The following UBE2G1 variants were observed in gnomAD, a reference collection of about 807,000 sequenced individuals.
UBE2G1 encodes ubiquitin-conjugating enzyme E2 G1.
UBE2G1 carries 5 observed loss-of-function variants against 22.7 expected under a neutral mutation model. The ratio of observed to expected loss-of-function variants is 0.22; its 90% CI spans 0.12 to 0.46. UBE2G1 has a LOEUF of 0.46. Among genes scored for constraint, UBE2G1 ranks in the 20% least tolerant of loss-of-function variants. UBE2G1 has a pLI of 0.99. For missense variants in UBE2G1, 88 were observed against 203.9 expected (o/e 0.43, Z 3.46); for synonymous variants, 74 against 67.5 (o/e 1.10, Z -0.47).
chr17:4,336,357 T>C (rs1478422497), intron 1 of UBE2G1, among the ~76,000 whole-genome samples: 1 of 152,118 alleles, frequency 6.6e-6, no homozygotes, highest in Non-Finnish European at 1.5e-5. Context: ...AGTAAAAGGT[T>C]AGATAAAAGC....
chr17:4,363,861 G>C (rs546338236), intron 1 of UBE2G1, among the ~76,000 whole-genome samples: 12 of 147,250 alleles, frequency 8.1e-5, no homozygotes, highest in African/African-American at 2.3e-4. Flanking sequence ...CTCAGGCAGG[G>C]GAATGGCGTG....
intron 1 of UBE2G1, among the ~76,000 whole-genome samples, chr17:4,362,021 C>T (rs1402192202): frequency 6.9e-6 from 1 of 145,598 alleles, no homozygotes; most frequent in Admixed American, 6.8e-5. Context: ...ACAAAAAGAA[C>T]TTATGGCCAG....
At chr17:4,320,833 C>T (rs1185969119) in intron 1 of UBE2G1, among the ~76,000 whole-genome samples, 2 of 152,054 alleles carry the variant, frequency 1.3e-5, no homozygotes, top group Non-Finnish European at 2.9e-5. Flanking sequence ...AGTCTGAACA[C>T]TAGATAACTC....
chr17:4,276,335 G>A (rs1968821214), intron 5 of UBE2G1, among the ~76,000 whole-genome samples: 1 of 151,866 alleles, frequency 6.6e-6, no homozygotes, highest in Admixed American at 6.6e-5. Flanking sequence ...CCACCGTACT[G>A]GCTAATTTTT....
At chr17:4,352,075 T>C (rs921013995) in intron 1 of UBE2G1, among the ~76,000 whole-genome samples, 9 of 151,826 alleles carry the variant, frequency 5.9e-5, no homozygotes, top group Non-Finnish European at 1.2e-4. Context: ...CTGGCCAACA[T>C]GGTGAAACTC....
At chr17:4,314,203 G>C (rs1319529260) in intron 1 of UBE2G1, among the ~76,000 whole-genome samples, 2 of 152,164 alleles carry the variant, frequency 1.3e-5, no homozygotes, top group African/African-American at 2.4e-5. Flanking sequence ...GGGCTCTTCA[G>C]AGAAATGGCT....
intron 1 of UBE2G1, among the ~76,000 whole-genome samples, chr17:4,345,116 T>G (rs1308759691): frequency 6.6e-6 from 1 of 152,056 alleles, no homozygotes; most frequent in Non-Finnish European, 1.5e-5. Flanking sequence ...ACAAGCAGAG[T>G]GACAGCACCA....
intron 3 of UBE2G1, among the ~76,000 whole-genome samples, chr17:4,294,127 C>A (rs1359831357): frequency 6.6e-6 from 1 of 152,100 alleles, no homozygotes; most frequent in African/African-American, 2.4e-5. Context: ...ATTCAAAATT[C>A]CATCTAAGAC....
chr17:4,355,118 T>C (rs973223142), intron 1 of UBE2G1, among the ~76,000 whole-genome samples: 2 of 151,816 alleles, frequency 1.3e-5, no homozygotes, highest in Non-Finnish European at 2.9e-5. Flanking sequence ...TTGATGTGAT[T>C]TGCCTCACAA....
intron 1 of UBE2G1, among the ~76,000 whole-genome samples, chr17:4,348,535 AGAGCGAGACTCCG>A: frequency 1.4e-5 from 2 of 145,388 alleles, no homozygotes; most frequent in South Asian, 2.2e-4. Flanking sequence ...CCTGGGCGAC[AGAGCGAGACTCCG>A]TCTCAAAAAA....
chr17:4,273,763 T>C (rs1342962456), intron 5 of UBE2G1, among the ~76,000 whole-genome samples: 1 of 152,086 alleles, frequency 6.6e-6, no homozygotes, highest in Non-Finnish European at 1.5e-5. Context: ...AAACACCTAT[T>C]AGGACTGCAT....
chr17:4,309,559 T>C (rs980827699), intron 1 of UBE2G1, among the ~76,000 whole-genome samples: 4 of 152,254 alleles, frequency 2.6e-5, no homozygotes, highest in African/African-American at 9.6e-5. Context: ...GCAGACATTC[T>C]ATTAAAAAAC....
At chr17:4,343,161 A>T (rs1567527998) in intron 1 of UBE2G1, among the ~76,000 whole-genome samples, 1 of 152,238 alleles carries the variant, frequency 6.6e-6, no homozygotes, top group African/African-American at 2.4e-5. Flanking sequence ...TTACAAAAGT[A>T]GGCACTCAAA....
intron 2 of UBE2G1, among the ~76,000 whole-genome samples, chr17:4,306,748 T>G (rs1041058499): frequency 1.3e-5 from 2 of 151,924 alleles, no homozygotes; most frequent in African/African-American, 4.8e-5. Flanking sequence ...GCCTCCTGAG[T>G]TCAAGTGATT....
At chr17:4,304,529 G>T (rs16953890) in intron 2 of UBE2G1, among the ~76,000 whole-genome samples, 1 of 151,194 alleles carries the variant, frequency 6.6e-6, no homozygotes. Context: ...ATTAAGACTT[G>T]TGGCAACTAT....
chr17:4,273,489 C>A (rs983275167), intron 5 of UBE2G1, among the ~76,000 whole-genome samples: 1 of 152,100 alleles, frequency 6.6e-6, no homozygotes, highest in Non-Finnish European at 1.5e-5. Flanking sequence ...CACAGGCACA[C>A]ACCACCATGC....
At chr17:4,342,511 G>A (rs566178746) in intron 1 of UBE2G1, among the ~76,000 whole-genome samples, 1 of 152,292 alleles carries the variant, frequency 6.6e-6, no homozygotes, top group East Asian at 1.9e-4. Context: ...GAGCCCAGGG[G>A]TTCGAGGCTG....
intron 5 of UBE2G1, among the ~76,000 whole-genome samples, chr17:4,276,600 T>C (rs993496533): frequency 6.6e-6 from 1 of 152,230 alleles, no homozygotes; most frequent in Admixed American, 6.5e-5. Flanking sequence ...ACAGTGCCTT[T>C]GCAAATGTGT....
chr17:4,283,007 C>A, intron 4 of UBE2G1, 86 bp from the exon 5 acceptor site: 1 of 1,142,376 alleles, frequency 8.8e-7, no homozygotes, highest in Non-Finnish European at 1.3e-6. Context: ...TGAATGTAAT[C>A]CCTTGGTGAT....
Sources: gnomAD v4.1 joint callset for allele counts (sites outside exome capture counted in the v4.1 genomes callset) on GRCh38, gnomAD v4.1.1 for gene constraint, MANE v1.5 for transcripts, NCBI Gene and HGNC (gene_info 2026-07-23, HGNC 2026-07-21) for gene names.